Variants in CFAP70 observed in about 807,000 individuals in gnomAD.
CFAP70 encodes the protein cilia- and flagella-associated protein 70.
CFAP70 carries 81 observed loss-of-function variants against 137.6 expected under a neutral mutation model. The observed-to-expected ratio is 0.59, with a 90% CI of 0.49 to 0.71. The LOEUF is 0.71. Among genes scored for constraint, CFAP70 ranks in the 30% least tolerant of loss-of-function variants. CFAP70 has a pLI of 0.00. For synonymous variants in CFAP70, 382 were observed against 423.6 expected, an observed-to-expected ratio of 0.90 and a Z score of 1.20; for missense variants, 976 against 1,226.7, an observed-to-expected ratio of 0.80 and a Z score of 3.05.
At chr10:73,341,123 C>T (rs1000904188) in intron 6 of CFAP70, among the ~76,000 whole-genome samples, 2 of 152,204 alleles carry the variant, frequency 1.3e-5, no homozygotes, top group Admixed American at 1.3e-4. Flanking sequence ...TCACTGCATA[C>T]ATCTTCATTT....
rs200438757 is a variant in CFAP70, at chr10:73,261,125, C to CT, written c.3028-4710dup. Among the ~76,000 whole-genome samples, 913 of 141,722 alleles carry CT rather than the reference C, an allele frequency of 6.4e-3. 6 individuals are homozygous for CT. The highest frequency in any genetic ancestry group is 0.018 in the Middle Eastern group (5 of 274). 93.0% of individuals were successfully genotyped at this position (141,722 alleles called of 152,430 possible). On this transcript the variant is annotated intron_variant, in intron 25 of 26. Coordinates refer to ENST00000310715, the Ensembl canonical transcript of CFAP70. ...TTTGTTAATACTTGGCATTGTCTAT[C>CT]TTTTTTTTTTTTTTTTGAGACAAGA...
upstream of CFAP70, among the ~76,000 whole-genome samples, chr10:73,360,464 T>C (rs1032341756): frequency 6.6e-6 from 1 of 152,192 alleles, no homozygotes; most frequent in Non-Finnish European, 1.5e-5. Flanking sequence ...TGGGACTTCC[T>C]TACACGATTT....
intron 4 of CFAP70, among the ~76,000 whole-genome samples, chr10:73,345,936 G>C (rs2053662679): frequency 6.7e-6 from 1 of 149,644 alleles, no homozygotes; most frequent in East Asian, 2.0e-4. Flanking sequence ...GTCTCCCTCT[G>C]TCACCCAGGC....
chr10:73,265,964 GA>G (rs2045720526), intron 25 of CFAP70, among the ~76,000 whole-genome samples: 1 of 151,286 alleles, frequency 6.6e-6, no homozygotes, highest in Admixed American at 6.6e-5. Context: ...ATTTTTATTG[GA>G]ATTGCCTTAA....
chr10:73,325,027 A>G (rs1260157038), intron 8 of CFAP70, among the ~76,000 whole-genome samples: 8 of 152,202 alleles, frequency 5.3e-5, no homozygotes, highest in Admixed American at 1.3e-4. Flanking sequence ...TCCAAGACAC[A>G]TAATTGTCAG....
chr10:73,346,936 G>A (rs1201422960), intron 4 of CFAP70: 1 of 152,158 alleles, frequency 6.6e-6, no homozygotes, highest in Non-Finnish European at 1.5e-5. Flanking sequence ...AGTTTTTGTG[G>A]GCTGGTCCAA....
intron 25 of CFAP70, among the ~76,000 whole-genome samples, chr10:73,265,280 G>A (rs539343178): frequency 6.8e-5 from 10 of 147,854 alleles, no homozygotes; most frequent in South Asian, 2.1e-4. Context: ...CCCAGATCGC[G>A]CCACTGCACT....
At chr10:73,353,009 T>C (rs1264418350) in intron 3 of CFAP70, among the ~76,000 whole-genome samples, 1 of 152,218 alleles carries the variant, frequency 6.6e-6, no homozygotes, top group Admixed American at 6.5e-5. Flanking sequence ...TGTTGATCCT[T>C]TGATCTATGG....
chr10:73,296,852 GT>G, intron 15 of CFAP70, 189 bp downstream of exon 16: 1 of 439,078 alleles, frequency 2.3e-6, no homozygotes. Flanking sequence ...ATATCTCCTT[GT>G]TTTTTTCCAA....
chr10:73,263,975 C>T (rs2045520665), intron 25 of CFAP70, among the ~76,000 whole-genome samples: 1 of 152,152 alleles, frequency 6.6e-6, no homozygotes, highest in Non-Finnish European at 1.5e-5. Flanking sequence ...TCACTGTGGG[C>T]TCATAGATTC....
intron 25 of CFAP70, among the ~76,000 whole-genome samples, chr10:73,268,608 CCCAATA>C (rs1271908304): frequency 6.6e-6 from 1 of 152,056 alleles, no homozygotes; most frequent in Non-Finnish European, 1.5e-5. Context: ...GAAATTGAGG[CCCAATA>C]AAGTTAGGTG....
At chr10:73,311,788 G>T in intron 11 of CFAP70, 46 bp downstream of exon 12, 1 of 1,390,220 alleles carries the variant, frequency 7.2e-7, no homozygotes, top group South Asian at 1.2e-5. Flanking sequence ...CTTAATAAAG[G>T]TCTGGTTAAC....
intron 8 of CFAP70, among the ~76,000 whole-genome samples, chr10:73,328,186 A>T (rs967658068): frequency 2.6e-5 from 4 of 152,174 alleles, no homozygotes; most frequent in Admixed American, 1.3e-4. Context: ...ATAACACCGC[A>T]TATCTACAAC....
chr10:73,334,083 T>C (rs893368537), intron 7 of CFAP70, among the ~76,000 whole-genome samples: 2 of 152,222 alleles, frequency 1.3e-5, no homozygotes, highest in Non-Finnish European at 2.9e-5. Flanking sequence ...AAAACAGATA[T>C]TCATTTTTTT....
At chr10:73,286,977 T>C (rs2047766639) in intron 19 of CFAP70, among the ~76,000 whole-genome samples, 1 of 152,204 alleles carries the variant, frequency 6.6e-6, no homozygotes, top group Non-Finnish European at 1.5e-5. Context: ...CTTAAGCAGT[T>C]TTCCCCCTTG....
At chr10:73,355,533 C>T (rs890306726) in intron 1 of CFAP70, among the ~76,000 whole-genome samples, 2 of 152,204 alleles carry the variant, frequency 1.3e-5, no homozygotes, top group African/African-American at 2.4e-5. Context: ...AATCCCAACA[C>T]TTTGGAAGGC....
intron 5 of CFAP70, among the ~76,000 whole-genome samples, chr10:73,341,910 G>A (rs1411006108): frequency 6.6e-6 from 1 of 152,194 alleles, no homozygotes; most frequent in Admixed American, 6.5e-5. Flanking sequence ...CATTCCTGAT[G>A]CCTATATACT....
chr10:73,334,878 GA>G (rs1362665467), intron 7 of CFAP70, among the ~76,000 whole-genome samples: 4 of 145,338 alleles, frequency 2.8e-5, no homozygotes, highest in Admixed American at 6.9e-5. Flanking sequence ...GCACCTGGCC[GA>G]GTTTTTTTTT....
rs1280672745 is a variant in CFAP70, at chr10:73,354,718, C to T, written c.63+16G>A. Reference sequence around the variant, plus strand: ...CCAAACTAAGGATTTTTGTAAATTTCCAAAAGTAACTTTACCAAATCATAT... The same window carrying T: ...CCAAACTAAGGATTTTTGTAAATTTTCAAAAGTAACTTTACCAAATCATAT... On this transcript the variant is annotated intron_variant, in intron 2 of 26. Transcript: ENST00000310715. The T allele has an allele frequency of 1.2e-6, 2 of 1,612,054 alleles. No homozygotes were observed. The highest frequency in any genetic ancestry group is 1.7e-6 in the Non-Finnish European group (2 of 1,178,414).
Sources: allele counts gnomAD v4.1 joint callset (sites outside exome capture counted in the v4.1 genomes callset), GRCh38; gene constraint gnomAD v4.1.1; transcripts MANE v1.5; gene names NCBI Gene and HGNC (gene_info 2026-07-23, HGNC 2026-07-21).